The following FBXL17 variants were observed in gnomAD, a reference collection of about 807,000 sequenced individuals.
The protein encoded by FBXL17 is F-box and leucine rich repeat protein 17.
Under a neutral mutation model 66.2 loss-of-function variants are expected in FBXL17, and 22 were observed. That is an observed-to-expected ratio of 0.33 (90% CI 0.24 to 0.47). The LOEUF is 0.47. FBXL17 is among the 20% of genes least tolerant of loss of function. The pLI is 1.00. For missense variants in FBXL17, 878 were observed against 948.2 expected (o/e 0.93, Z 0.97); for synonymous variants, 474 against 400.5 (o/e 1.18, Z -2.19).
chr5:108,325,637 A>C (rs1759813805), intron 4 of FBXL17, among the ~76,000 whole-genome samples: 1 of 152,188 alleles, frequency 6.6e-6, no homozygotes, highest in Non-Finnish European at 1.5e-5. Context: ...TCAGTTCTTA[A>C]GCAGGAAAGC....
At chr5:108,017,672 T>A (rs560509519) in intron 7 of FBXL17, among the ~76,000 whole-genome samples, 2 of 152,170 alleles carry the variant, frequency 1.3e-5, no homozygotes, top group African/African-American at 4.8e-5. Context: ...TAAGTTTGAT[T>A]TTTTTTCCAC....
chr5:108,267,823 G>C (rs929871485), intron 4 of FBXL17, among the ~76,000 whole-genome samples: 4 of 152,004 alleles, frequency 2.6e-5, no homozygotes, highest in Non-Finnish European at 5.9e-5. Context: ...ATTAAAGAAG[G>C]CCTCCTTGGG....
At chr5:108,138,413 T>C (rs765177112) in intron 6 of FBXL17, among the ~76,000 whole-genome samples, 2 of 152,200 alleles carry the variant, frequency 1.3e-5, no homozygotes, top group African/African-American at 2.4e-5. Flanking sequence ...AAAGATTTTG[T>C]GTGGGCTTTT....
intron 5 of FBXL17, among the ~76,000 whole-genome samples, chr5:108,199,014 A>T (rs1163098497): frequency 6.6e-6 from 1 of 152,164 alleles, no homozygotes; most frequent in Non-Finnish European, 1.5e-5. Flanking sequence ...AAACAAAGAA[A>T]TGTCCAACTG....
intron 5 of FBXL17, among the ~76,000 whole-genome samples, chr5:108,198,159 G>C (rs930641761): frequency 2.0e-5 from 3 of 152,108 alleles, no homozygotes; most frequent in African/African-American, 7.2e-5. Context: ...CTCTGTAGAA[G>C]AGGTTTACTG....
At chr5:107,877,173 CA>C (rs1425276894) in intron 8 of FBXL17, among the ~76,000 whole-genome samples, 1 of 152,224 alleles carries the variant, frequency 6.6e-6, no homozygotes, top group Non-Finnish European at 1.5e-5. Flanking sequence ...AAAAGCTACT[CA>C]AACAGGGGCT....
chr5:108,272,380 G>T (rs1246230249), intron 4 of FBXL17, among the ~76,000 whole-genome samples: 4 of 150,148 alleles, frequency 2.7e-5, no homozygotes, highest in African/African-American at 9.8e-5. Context: ...TTGAGACAGG[G>T]TCTCACTCTG....
chr5:107,954,196 T>C (rs1012416699), intron 7 of FBXL17, among the ~76,000 whole-genome samples: 6 of 152,226 alleles, frequency 3.9e-5, no homozygotes, highest in Non-Finnish European at 7.3e-5. Flanking sequence ...TTATTTAATA[T>C]ACTAATTCCA....
chr5:107,902,159 G>A, intron 7 of FBXL17, among the ~76,000 whole-genome samples: 1 of 152,122 alleles, frequency 6.6e-6, no homozygotes, highest in East Asian at 1.9e-4. Context: ...GTACTATGCT[G>A]TGGTTTTTTA....
chr5:108,283,760 G>A (rs972341865), intron 4 of FBXL17, among the ~76,000 whole-genome samples: 4 of 151,834 alleles, frequency 2.6e-5, no homozygotes, highest in Non-Finnish European at 4.4e-5. Flanking sequence ...CAGAATGGGA[G>A]AAAATATTTG....
chr5:107,990,558 A>C (rs1469128319), intron 7 of FBXL17, among the ~76,000 whole-genome samples: 1 of 152,178 alleles, frequency 6.6e-6, no homozygotes, highest in Non-Finnish European at 1.5e-5. Context: ...TATCTGTAAA[A>C]TGGAAATAAT....
At chr5:108,001,031 C>T (rs1230385298) in intron 7 of FBXL17, among the ~76,000 whole-genome samples, 1 of 152,120 alleles carries the variant, frequency 6.6e-6, no homozygotes, top group Non-Finnish European at 1.5e-5. Flanking sequence ...TAGCTGTGCA[C>T]TTATTAAAAT....
At chr5:107,934,876 T>C (rs1750847797) in intron 7 of FBXL17, among the ~76,000 whole-genome samples, 1 of 152,174 alleles carries the variant, frequency 6.6e-6, no homozygotes, top group Non-Finnish European at 1.5e-5. Context: ...GGAAAGAATA[T>C]AATGTCATAT....
intron 7 of FBXL17, among the ~76,000 whole-genome samples, chr5:108,018,436 C>G (rs288171): frequency 0.17 from 26,475 of 151,986 alleles, 2,631 homozygotes; most frequent in South Asian, 0.43. Flanking sequence ...GCCTCTTTGA[C>G]AAAAATTACT....
intron 7 of FBXL17, among the ~76,000 whole-genome samples, chr5:107,935,441 G>C (rs1471666713): frequency 1.3e-5 from 2 of 151,480 alleles, no homozygotes; most frequent in African/African-American, 4.9e-5. Context: ...ATGTGTATGT[G>C]TGCGCGCCTT....
At chr5:108,242,741 C>CAA (rs1227402827) in intron 4 of FBXL17, among the ~76,000 whole-genome samples, 2 of 151,988 alleles carry the variant, frequency 1.3e-5, no homozygotes, top group African/African-American at 4.8e-5. Context: ...CATCTACTTC[C>CAA]AAAACACATT....
chr5:108,314,160 T>G (rs1430309072), intron 4 of FBXL17, among the ~76,000 whole-genome samples: 1 of 151,772 alleles, frequency 6.6e-6, no homozygotes, highest in African/African-American at 2.4e-5. Flanking sequence ...ATTTTAATAC[T>G]ACCAATATTT....
chr5:107,931,436 A>G (rs1288146314), intron 7 of FBXL17, among the ~76,000 whole-genome samples: 2 of 151,192 alleles, frequency 1.3e-5, no homozygotes, highest in East Asian at 3.9e-4. Flanking sequence ...ATTTTTTTGT[A>G]TTTTTATAGA....
At chr5:108,166,429 T>C (rs73778672) in intron 6 of FBXL17, among the ~76,000 whole-genome samples, 5,647 of 152,294 alleles carry the variant, frequency 0.037, 337 homozygotes, top group African/African-American at 0.13. Flanking sequence ...ACATATCTCA[T>C]AGACGTTTCT....
Sources: gnomAD v4.1 joint callset for allele counts (sites outside exome capture counted in the v4.1 genomes callset) on GRCh38, gnomAD v4.1.1 for gene constraint, MANE v1.5 for transcripts, NCBI Gene and HGNC (gene_info 2026-07-23, HGNC 2026-07-21) for gene names.